The following DNAH1 variants were observed in gnomAD, a reference collection of about 807,000 sequenced individuals.
DNAH1 encodes axonemal beta dynein heavy chain 1.
In DNAH1, 327 loss-of-function variants were observed where a neutral mutation model predicts 484.3. The observed-to-expected ratio is 0.68, with a 90% confidence interval of 0.62 to 0.74. DNAH1 has a LOEUF of 0.74. Ranked by LOEUF, DNAH1 falls within the 30% of genes least tolerant of loss-of-function variation. DNAH1 has a pLI of 0.00. For synonymous variants in DNAH1, 2,192 were observed against 2,191.9 expected (o/e 1.00, Z 0.00); for missense variants, 5,052 against 5,546.8 (o/e 0.91, Z 2.83).
intron 66 of DNAH1, 90 bp downstream of exon 66, chr3:52,393,575 C>G (rs1221964152): frequency 1.3e-6 from 2 of 1,556,422 alleles, no homozygotes; most frequent in Non-Finnish European, 1.8e-6. Flanking sequence ...GAAAGCCAGG[C>G]ATGAAGGCAC....
upstream of DNAH1, among the ~76,000 whole-genome samples, chr3:52,312,516 G>A (rs1700812587): frequency 6.8e-6 from 1 of 146,734 alleles, no homozygotes; most frequent in Non-Finnish European, 1.5e-5. Flanking sequence ...TGTCACCCAA[G>A]CTGGAGCACA....
At chr3:52,357,026 G>GTTT (rs78790549) in intron 22 of DNAH1, among the ~76,000 whole-genome samples, 5 of 132,706 alleles carry the variant, frequency 3.8e-5, no homozygotes, top group Non-Finnish European at 4.9e-5. Context: ...TTGTTTGTCT[G>GTTT]TTTTTTTTTT....
Position 52,400,367 on chromosome 3 carries a change from C to T in DNAH1, c.12719C>T (p.Ala4240Val). 1 of 1,614,076 alleles carries T rather than the reference C, an allele frequency of 6.2e-7. No homozygotes were observed. The highest frequency in any genetic ancestry group is 8.5e-7 in the Non-Finnish European group (1 of 1,179,896). ...GGACACTCTACCAACTATGTCATTG[C>T]TGTGGAGATCCCCACCCATCAGCCC... ...TTGHSTNYVI[A>V]VEIPTHQPQR... The change falls in exon 78 of 78, where the codon GCT becomes GTT. Residue 4240 changes from alanine (A) to valine (V), a missense_variant. Physicochemically the swap from Ala to Val is moderately conservative, Grantham distance 64. This residue lies in a region of DNAH1 where 853 missense variants were observed against 899.0 expected (regional missense o/e 0.95). Transcript: ENST00000420323.
At chr3:52,399,440 C>A in intron 76 of DNAH1, 105 bp from the exon 77 acceptor site, 2 of 1,067,692 alleles carry the variant, frequency 1.9e-6, no homozygotes, top group Non-Finnish European at 2.7e-6. Context: ...TGATGATGGG[C>A]AGGCAGGCAG....
In DNAH1 at chr3:52,353,762, C is replaced by T; in HGVS notation, c.3480+129C>T. 5 of 1,302,170 alleles carry T rather than the reference C, an allele frequency of 3.8e-6. No individual in the cohort carries two copies. The highest frequency in any genetic ancestry group is 4.2e-6 in the Non-Finnish European group (4 of 954,698). 80.7% of individuals were successfully genotyped at this position (1,302,170 alleles called of 1,614,324 possible). On this transcript the variant is annotated intron_variant, in intron 20 of 77. Transcript: ENST00000420323. This position sits in a 1 kb window ranked among gnomAD's most constrained non-coding sequence, Gnocchi z 5.0. Reference sequence around the variant, plus strand: ...GCCCCATCCCTGGGGTCATGAGGCCCAGGGGTTGAGATGCATTCTATTAAG... The same window carrying T: ...GCCCCATCCCTGGGGTCATGAGGCCTAGGGGTTGAGATGCATTCTATTAAG...
intron 5 of DNAH1, 43 bp from the exon 6 acceptor site, chr3:52,327,839 T>C: frequency 6.2e-7 from 1 of 1,607,266 alleles, no homozygotes. Context: ...TGGGCCCCAC[T>C]AGAGGAGCTG....
chr3:52,357,677 G>A lies in DNAH1; in HGVS notation c.3922G>A (p.Asp1308Asn), dbSNP rs753495476. 3 of 1,594,902 alleles carry A rather than the reference G, an allele frequency of 1.9e-6. No individual in the cohort carries two copies. In the Admixed American group the frequency reaches 5.2e-5, roughly 28 times the overall value. The change falls in exon 23 of 78, where the codon GAC becomes AAC. Residue 1308 changes from aspartate to asparagine, a missense_variant. This residue lies in a region of DNAH1 where 2,929 missense variants were observed against 3,409.4 expected (regional missense o/e 0.86). Transcript: ENST00000420323. ...CCTGCGGGACTGCAACAAGATTCTG[G>A]ACCTGGTGCAGAAGGGCCTCAGCGA... Reference protein sequence around the residue: ...DSLRDCNKILDLVQKGLSEYL... With the variant: ...DSLRDCNKILNLVQKGLSEYL...
At chr3:52,326,974 G>A (rs1247082451) in intron 5 of DNAH1, 83 bp downstream of exon 5, 37 of 1,481,528 alleles carry the variant, frequency 2.5e-5, no homozygotes, top group Non-Finnish European at 3.2e-5. Context: ...AGATCTGAAA[G>A]GGGATTCCCC....
rs1358495679 is a variant in DNAH1 at position 52,375,287 on chromosome 3, C to G, written c.7033C>G (p.Pro2345Ala). 1.9e-6 allele frequency: 3 copies of G among 1,611,682 alleles called. No individual in the cohort carries two copies. In the South Asian group the frequency reaches 3.3e-5, roughly 18 times the overall value. Reference sequence around the variant, plus strand: ...CATCAACTTTGTCTGTGCCATGGGCCCCCCGGGTGGAGGCAGGAACACCGT... The same window carrying G: ...CATCAACTTTGTCTGTGCCATGGGCGCCCCGGGTGGAGGCAGGAACACCGT... The part of the protein sequence containing the change: ...VDINFVCAMG[P>A]PGGGRNTVTP... Residue 2345 changes from proline (P) to alanine (A), a missense_variant, in exon 45 of 78, where the codon CCC becomes GCC. Pro to Ala is a conservative substitution (Grantham distance 27, BLOSUM62 -1). Transcript: ENST00000420323.
Position 52,397,025 on chromosome 3 carries a change from C to T in DNAH1, c.11768C>T (p.Pro3923Leu), listed in dbSNP as rs760015031. Residue 3923 changes from proline (P) to leucine (L), a missense_variant, in exon 73 of 78, where the codon CCG (proline) becomes CTG (leucine). Physicochemically the swap from Pro to Leu is moderately conservative, Grantham distance 98. Around this residue, in one of 4 missense-constraint regions of DNAH1, gnomAD observed 853 missense variants for 899.0 expected, o/e 0.95. Transcript: ENST00000420323. ...YSASGIYHQIPPTYDLHGYLS... is the reference protein window; with the variant it reads ...YSASGIYHQILPTYDLHGYLS... ...GCCTCGGGCATCTACCACCAGATCC[C>T]GCCTACCTACGACCTCCACGTGAGT... 19 of 1,607,336 alleles carry T rather than the reference C, an allele frequency of 1.2e-5. No individual in the cohort carries two copies. The highest frequency in any genetic ancestry group is 3.3e-4 in the Middle Eastern group (2 of 6,050).
At chr3:52,324,890 C>T (rs1701279704) in intron 3 of DNAH1, among the ~76,000 whole-genome samples, 1 of 152,116 alleles carries the variant, frequency 6.6e-6, no homozygotes, top group Non-Finnish European at 1.5e-5. Flanking sequence ...TCAGGGCTCT[C>T]AGCAACCAGT....
intron 8 of DNAH1, among the ~76,000 whole-genome samples, chr3:52,344,006 CCCTCAGGCCCAGTCATG>C (rs1249636133): frequency 6.6e-6 from 1 of 152,230 alleles, no homozygotes; most frequent in African/African-American, 2.4e-5. Flanking sequence ...GGGTCACCCA[CCCTCAGGCCCAGTCATG>C]GGCACATCCT....
intron 1 of DNAH1, 47 bp downstream of exon 1, chr3:52,316,592 A>C (rs1341359257): frequency 4.6e-5 from 7 of 152,230 alleles, no homozygotes; most frequent in African/African-American, 1.4e-4. Flanking sequence ...GACAGGTTCT[A>C]GACAGAGGAA....
chr3:52,398,306 G>T, intron 75 of DNAH1, 144 bp downstream of exon 75: 1 of 1,116,480 alleles, frequency 9.0e-7, no homozygotes, highest in Non-Finnish European at 1.2e-6. Context: ...TTGTTGACAC[G>T]GAGTCTCTCT....
At position 52,396,957 on chromosome 3, in the gene DNAH1, C is replaced by CAG. The variant is rs1487479734; in HGVS notation, c.11700_11701insAG (p.Phe3901SerfsTer88). The CAG allele has an allele frequency of 6.2e-7, 1 of 1,613,298 alleles. No individual in the cohort carries two copies. The highest frequency in any genetic ancestry group is 1.3e-5 in the African/African-American group (1 of 74,896). ...GCTGCATCATGAACATCTTGGAGGA[C>CAG]TTCTACAACCCTGACGTGCTCTCCC... On this transcript the variant is annotated frameshift_variant, in exon 73 of 78. Transcript: ENST00000420323. LOFTEE classifies it high-confidence loss of function.
intron 60 of DNAH1, among the ~76,000 whole-genome samples, chr3:52,390,140 T>C (rs1704309266): frequency 6.7e-6 from 1 of 148,514 alleles, no homozygotes; most frequent in Non-Finnish European, 1.5e-5. Context: ...AAAAAAAGAG[T>C]GTTGGGTGGA....
At chr3:52,380,833 GC>G (rs953511755) in intron 48 of DNAH1, among the ~76,000 whole-genome samples, 29 of 152,210 alleles carry the variant, frequency 1.9e-4, no homozygotes, top group African/African-American at 6.8e-4. Flanking sequence ...ACAAGGGACT[GC>G]CCCCAAGCCA....
rs747903366 is a variant in DNAH1, at chr3:52,388,262, C to T, written c.9099C>T (p.Cys3033=). The T allele has an allele frequency of 1.2e-6, 2 of 1,603,354 alleles. No homozygotes were observed. The highest frequency in any genetic ancestry group is 3.4e-5 in the Admixed American group (2 of 58,196). ...PATIAKVSKA[C]TSICQWVRAM... is the part of the protein sequence containing the mutation. ...CCATTGCCAAGGTGTCCAAGGCTTG[C>T]ACCTCCATCTGCCAGTGGGTGCGCG... The change falls in exon 57 of 78, where the codon TGC becomes TGT. Residue 3033 remains cysteine (C), a synonymous_variant. Transcript: ENST00000420323.
chr3:52,366,777 GCCAT>G lies in DNAH1; in HGVS notation c.5661_5664del (p.Ile1888ValfsTer71). Reference sequence around the variant, plus strand: ...CTGCCATGACGTCACTGAAAGGGCAGCCATCCATCAGTGGTGGCATGTACGAGGC... The same window carrying G: ...CTGCCATGACGTCACTGAAAGGGCAGCCATCAGTGGTGGCATGTACGAGGC... On this transcript the variant is annotated frameshift_variant, in exon 36 of 78. Coordinates refer to ENST00000420323, the MANE Select transcript of DNAH1 (RefSeq NM_015512.5). LOFTEE classifies it high-confidence loss of function. The G allele has an allele frequency of 1.9e-6, 3 of 1,613,816 alleles. No homozygotes were observed. Among genetic ancestry groups the G allele is most frequent in the South Asian group, 2.2e-5 (2 of 91,074 alleles).
Sources: gnomAD v4.1 joint callset for allele counts (sites outside exome capture counted in the v4.1 genomes callset) on GRCh38, gnomAD v4.1.1 for gene constraint, gnomAD v4.1.1 regional missense constraint, Gnocchi (gnomAD v3.1) non-coding constraint, MANE v1.5 for transcripts, NCBI Gene and HGNC (gene_info 2026-07-23, HGNC 2026-07-21) for gene names.